Variants in NECAP1 observed in about 807,000 individuals in gnomAD.
NECAP1 encodes the protein NECAP endocytosis associated 1.
A neutral mutation model predicts 33.4 loss-of-function variants in NECAP1; 13 were observed. The observed-to-expected ratio is 0.39, with a 90% CI of 0.25 to 0.62. The LOEUF (loss-of-function observed/expected upper bound fraction) is 0.62. NECAP1 is among the 20% of genes least tolerant of loss of function. NECAP1 has a pLI of 0.52. For missense variants in NECAP1, 272 were observed against 347.4 expected, an observed-to-expected ratio of 0.78 and a Z score of 1.73; for synonymous variants, 109 against 125.2, an observed-to-expected ratio of 0.87 and a Z score of 0.86.
intron 1 of NECAP1, among the ~76,000 whole-genome samples, chr12:8,085,317 C>T (rs1947478116): frequency 2.0e-5 from 3 of 152,196 alleles, no homozygotes; most frequent in Non-Finnish European, 2.9e-5. Context: ...CGCACCCGGC[C>T]TACTTCAAGC....
At chr12:8,095,062 AGT>A (rs1375210066) in intron 6 of NECAP1, among the ~76,000 whole-genome samples, 1 of 152,124 alleles carries the variant, frequency 6.6e-6, no homozygotes, top group Non-Finnish European at 1.5e-5. Flanking sequence ...GTGTGTCAAT[AGT>A]CTGTTTCTTT....
At chr12:8,093,207 T>C (rs1053728896) in intron 6 of NECAP1, 152 bp downstream of exon 6, 1 of 724,526 alleles carries the variant, frequency 1.4e-6, no homozygotes, top group Non-Finnish European at 2.2e-6. Context: ...ATCAAAGCTT[T>C]TCTAGTGAAC....
chr12:8,086,815 T>C (rs780127315), intron 1 of NECAP1, among the ~76,000 whole-genome samples: 27 of 152,100 alleles, frequency 1.8e-4, no homozygotes, highest in African/African-American at 6.0e-4. Context: ...GGCCTGTGCC[T>C]GTAATCTCAG....
At chr12:8,089,321 G>T (rs1240196786) in intron 1 of NECAP1, 1 of 151,940 alleles carries the variant, frequency 6.6e-6, no homozygotes, top group Non-Finnish European at 1.5e-5. Flanking sequence ...GTAAAGCATG[G>T]TTATCTAGTA....
chr12:8,092,056 C>G (rs1027244603), intron 4 of NECAP1: 3 of 560,710 alleles, frequency 5.4e-6, no homozygotes, highest in Non-Finnish European at 6.3e-6. Flanking sequence ...CAATATATTT[C>G]AGATCCCTTG....
chr12:8,088,332 A>G (rs1019749001), intron 1 of NECAP1, among the ~76,000 whole-genome samples: 2 of 152,176 alleles, frequency 1.3e-5, no homozygotes, highest in Admixed American at 6.5e-5. Context: ...TCTCATCTCA[A>G]TAATTGGCAA....
intron 1 of NECAP1, among the ~76,000 whole-genome samples, chr12:8,085,153 G>C (rs980675224): frequency 1.3e-5 from 2 of 152,068 alleles, no homozygotes. Flanking sequence ...CCAAGTAGCT[G>C]GGACTACAGG....
intron 7 of NECAP1, 72 bp downstream of exon 7, chr12:8,095,775 T>C: frequency 7.0e-7 from 1 of 1,435,284 alleles, no homozygotes; most frequent in Non-Finnish European, 9.8e-7. Flanking sequence ...TTGAAATCTT[T>C]GATCTGGAGA....
At chr12:8,088,957 A>C (rs1359734001) in intron 1 of NECAP1, 3 of 151,840 alleles carry the variant, frequency 2.0e-5, no homozygotes, top group African/African-American at 7.3e-5. Flanking sequence ...TACCCCAACC[A>C]CCCTCTTGAA....
Position 8,095,698 on chromosome 12 carries a change from C to T in NECAP1, c.774C>T (p.Ala258=). 6.2e-7 allele frequency: 1 copy of T among 1,609,906 alleles called. No homozygotes were observed. Among genetic ancestry groups the T allele is most frequent in the Non-Finnish European group, 8.5e-7 (1 of 1,176,192 alleles). ...SNDLWGDFST[A]SSSVPNQAPQ... is the part of the protein sequence containing the mutation. ...ACTTGTGGGGAGACTTCAGCACTGC[C>T]TCCAGGTAATGGGCATAGTGAAACT... The change falls in exon 7 of 8, where the codon GCC becomes GCT. Residue 258 remains alanine (A), a synonymous_variant. Coordinates refer to ENST00000339754, the MANE Select transcript of NECAP1 (RefSeq NM_015509.4).
At position 8,096,597 on chromosome 12, in the gene NECAP1, G is replaced by C. The variant is rs973058252; in HGVS notation, c.*507G>C. On this transcript the variant is annotated 3_prime_UTR_variant, in exon 8 of 8. Transcript: ENST00000339754. ...GTTTACAAATTCAGAATTTTGATAG[G>C]GGTAGATATGGAGAAAGACCTATTT... 1 of 153,740 alleles carries C rather than the reference G, an allele frequency of 6.5e-6. No homozygotes were observed. Among genetic ancestry groups the C allele is most frequent in the African/African-American group, 2.4e-5 (1 of 41,440 alleles). The allele number at this position is 153,740 out of a possible 1,614,324, so 9.5% of individuals were successfully genotyped here.
chr12:8,091,641 C>A (rs1387715260), intron 3 of NECAP1, 128 bp from the exon 4 acceptor site: 1 of 735,954 alleles, frequency 1.4e-6, no homozygotes, highest in East Asian at 2.7e-5. Context: ...TGAAGCTTTG[C>A]TCTCTCGTGT....
chr12:8,085,035 T>C lies in NECAP1; in HGVS notation c.95+2652T>C, dbSNP rs180991477. On this transcript the variant is annotated intron_variant, in intron 1 of 7. Transcript: ENST00000339754. The stretch of plus-strand genomic sequence containing the variant: ...TTCTTTTTCTTGAAGTTTTTTTTTT[T>C]TTGAGATGGAGTCTGGCTGTGTTGC... Among the ~76,000 whole-genome samples, 824 of 152,254 alleles carry C rather than the reference T, an allele frequency of 5.4e-3. 6 individuals are homozygous for C. The highest frequency in any genetic ancestry group is 7.6e-3 in the Non-Finnish European group (517 of 67,998).
Position 8,093,026 on chromosome 12 carries a change from C to T in NECAP1, c.647C>T (p.Pro216Leu), listed in dbSNP as rs748757462. ...ISNHVTPPPI[P>L]KSNHGGSDAD... ...AATCATGTCACCCCACCACCCATTCCGAAATCTAACCATGGAGGCAGTGAT... is the reference window on the plus strand; with the variant it reads ...AATCATGTCACCCCACCACCCATTCTGAAATCTAACCATGGAGGCAGTGAT... The change falls in exon 6 of 8, where the codon CCG becomes CTG. Residue 216 changes from proline (P) to leucine (L), a missense_variant. Physicochemically the swap from Pro to Leu is moderately conservative, Grantham distance 98. Transcript: ENST00000339754. The T allele has an allele frequency of 3.2e-5, 51 of 1,614,122 alleles. No individual in the cohort carries two copies. The highest frequency in any genetic ancestry group is 9.9e-5 in the South Asian group (9 of 91,078).
chr12:8,090,551 ACACATTTGG>A (rs1947533658), intron 3 of NECAP1: 1 of 409,210 alleles, frequency 2.4e-6, no homozygotes. Context: ...AAATGAATTA[ACACATTTGG>A]CACTTTAGGA....
chr12:8,092,556 T>C, intron 4 of NECAP1, 120 bp from the exon 5 acceptor site: 3 of 690,822 alleles, frequency 4.3e-6, no homozygotes, highest in Non-Finnish European at 7.2e-6. Context: ...TCTCACTCTT[T>C]TTTATCTCTC....
intron 4 of NECAP1, 108 bp from the exon 5 acceptor site, chr12:8,092,568 C>T: frequency 1.4e-6 from 1 of 739,118 alleles, no homozygotes; most frequent in South Asian, 2.1e-5. Flanking sequence ...TTATCTCTCA[C>T]TGTGTTTTCT....
At position 8,085,683 on chromosome 12, in the gene NECAP1, CTTCTTTT is replaced by C. The variant is rs1947481441; in HGVS notation, c.95+3303_95+3309del. ...ACCTTGTAGGATCCTCTCACTTAAT[CTTCTTTT>C]TTTTTTTTTTTTTTTTTTTTTTTTT... On this transcript the variant is annotated intron_variant, in intron 1 of 7. Transcript: ENST00000339754. Among the ~76,000 whole-genome samples the C allele has an allele frequency of 4.5e-5, 3 of 66,382 alleles. No individual in the cohort carries two copies. In the Admixed American group the frequency reaches 7.3e-4, roughly 16 times the overall value. 43.5% of individuals were successfully genotyped at this position (66,382 alleles called of 152,430 possible).
intron 7 of NECAP1, 77 bp downstream of exon 7, chr12:8,095,780 T>A: frequency 7.1e-7 from 1 of 1,411,220 alleles, no homozygotes; most frequent in Non-Finnish European, 1.0e-6. Context: ...ATCTTTGATC[T>A]GGAGAAGCAA....
Sources: gnomAD v4.1 joint callset for allele counts (sites outside exome capture counted in the v4.1 genomes callset) on GRCh38, gnomAD v4.1.1 for gene constraint, MANE v1.5 for transcripts, NCBI Gene and HGNC (gene_info 2026-07-23, HGNC 2026-07-21) for gene names.